The following COMMD10 variants were observed in gnomAD, a reference collection of about 807,000 sequenced individuals.
COMMD10 encodes COMM domain containing 10.
In COMMD10, 33 loss-of-function variants were observed where a neutral mutation model predicts 28.9. The observed-to-expected ratio is 1.14, with a 90% CI of 0.87 to 1.53. The LOEUF (loss-of-function observed/expected upper bound fraction) is 1.53. Among genes scored for constraint, COMMD10 ranks in the 40% most tolerant of loss-of-function variants. The pLI is 0.00. For missense variants in COMMD10, 310 were observed against 233.4 expected (o/e 1.33, Z -2.14); for synonymous variants, 110 against 81.7 (o/e 1.35, Z -1.87).
intron 4 of COMMD10, among the ~76,000 whole-genome samples, chr5:116,127,029 G>A (rs532830397): frequency 2.6e-5 from 4 of 152,284 alleles, no homozygotes; most frequent in South Asian, 4.1e-4. Context: ...CTACCCAACT[G>A]ACAAAGGGCT....
At chr5:116,290,025 T>C (rs565677655) in intron 5 of COMMD10, among the ~76,000 whole-genome samples, 9 of 152,054 alleles carry the variant, frequency 5.9e-5, no homozygotes, top group African/African-American at 1.7e-4. Flanking sequence ...AAGCAAAATA[T>C]AGAAAACAAG....
chr5:116,268,291 G>T (rs1260627657), intron 5 of COMMD10, among the ~76,000 whole-genome samples: 1 of 151,668 alleles, frequency 6.6e-6, no homozygotes, highest in Non-Finnish European at 1.5e-5. Flanking sequence ...GTGGGTGAAG[G>T]ATATGAACAG....
intron 5 of COMMD10, among the ~76,000 whole-genome samples, chr5:116,260,419 T>C (rs1750412136): frequency 6.6e-6 from 1 of 151,892 alleles, no homozygotes. Context: ...TATTTTTATT[T>C]CATGGTAGCA....
chr5:116,164,234 C>T (rs111785238), intron 5 of COMMD10, among the ~76,000 whole-genome samples: 53 of 152,140 alleles, frequency 3.5e-4, no homozygotes, highest in African/African-American at 1.3e-3. Flanking sequence ...GGCAGGAGAA[C>T]TGCTTGAACC....
At chr5:116,219,460 A>G (rs1749189033) in intron 5 of COMMD10, among the ~76,000 whole-genome samples, 1 of 152,118 alleles carries the variant, frequency 6.6e-6, no homozygotes, top group Admixed American at 6.5e-5. Context: ...GCACAATAAT[A>G]AATGTCCTTA....
intron 5 of COMMD10, among the ~76,000 whole-genome samples, chr5:116,267,704 C>T (rs1401467413): frequency 2.6e-5 from 4 of 151,854 alleles, no homozygotes; most frequent in Non-Finnish European, 5.9e-5. Flanking sequence ...GACTATACTA[C>T]AAGGCTACAG....
intron 5 of COMMD10, among the ~76,000 whole-genome samples, chr5:116,263,964 T>A (rs1750516958): frequency 6.6e-6 from 1 of 151,836 alleles, no homozygotes. Context: ...TCAAATGTTT[T>A]ACGGAGTTTG....
At chr5:116,285,617 T>C (rs1435268416) in intron 5 of COMMD10, among the ~76,000 whole-genome samples, 2 of 152,008 alleles carry the variant, frequency 1.3e-5, no homozygotes, top group African/African-American at 4.8e-5. Context: ...TGATTATGTG[T>C]CTTTCCACCT....
At chr5:116,145,738 T>G (rs943522117) in intron 5 of COMMD10, among the ~76,000 whole-genome samples, 1 of 151,868 alleles carries the variant, frequency 6.6e-6, no homozygotes, top group Admixed American at 6.6e-5. Context: ...CATGCTGTTC[T>G]CCTGATAGTG....
intron 5 of COMMD10, among the ~76,000 whole-genome samples, chr5:116,149,547 T>A: frequency 6.9e-6 from 1 of 143,898 alleles, no homozygotes. Flanking sequence ...TGATTGCCAT[T>A]CTAACCGGTG....
intron 4 of COMMD10, among the ~76,000 whole-genome samples, chr5:116,116,697 G>A (rs1049396944): frequency 1.1e-4 from 16 of 147,340 alleles, no homozygotes; most frequent in African/African-American, 3.7e-4. Flanking sequence ...GCAGTAAAAT[G>A]CAGAGATTTT....
intron 4 of COMMD10, among the ~76,000 whole-genome samples, chr5:116,095,928 T>G (rs1750453155): frequency 6.6e-6 from 1 of 152,140 alleles, no homozygotes; most frequent in Non-Finnish European, 1.5e-5. Context: ...TTGATATTTT[T>G]GTGAGTCTTT....
intron 5 of COMMD10, among the ~76,000 whole-genome samples, chr5:116,245,712 T>C (rs922455212): frequency 1.3e-5 from 2 of 152,018 alleles, no homozygotes; most frequent in African/African-American, 4.8e-5. Flanking sequence ...ATGTCATTCA[T>C]CACATAAGCA....
chr5:116,174,439 T>C (rs1753436535), intron 5 of COMMD10, among the ~76,000 whole-genome samples: 1 of 152,160 alleles, frequency 6.6e-6, no homozygotes, highest in Admixed American at 6.5e-5. Flanking sequence ...GAAACATACA[T>C]GTTCTGAATT....
intron 3 of COMMD10, among the ~76,000 whole-genome samples, chr5:116,092,339 T>G (rs1211623948): frequency 6.6e-6 from 1 of 152,220 alleles, no homozygotes; most frequent in Non-Finnish European, 1.5e-5. Flanking sequence ...AAAATTCATC[T>G]TGAATAATTT....
intron 5 of COMMD10, among the ~76,000 whole-genome samples, chr5:116,258,241 T>A (rs1750344392): frequency 6.6e-6 from 1 of 151,790 alleles, no homozygotes; most frequent in Non-Finnish European, 1.5e-5. Context: ...AACAATGTCT[T>A]AGAATTTTGT....
chr5:116,210,340 A>G (rs1161608999), intron 5 of COMMD10, among the ~76,000 whole-genome samples: 1 of 151,610 alleles, frequency 6.6e-6, no homozygotes, highest in East Asian at 1.9e-4. Context: ...ATATACATAT[A>G]TATACACGCA....
intron 5 of COMMD10, among the ~76,000 whole-genome samples, chr5:116,202,687 T>C (rs1178489423): frequency 1.3e-5 from 2 of 151,832 alleles, no homozygotes; most frequent in Non-Finnish European, 2.9e-5. Context: ...GTGTCTTCTT[T>C]TGAGAAGTGT....
At chr5:116,239,939 TC>T (rs745660796) in intron 5 of COMMD10, among the ~76,000 whole-genome samples, 7 of 151,864 alleles carry the variant, frequency 4.6e-5, no homozygotes, top group Admixed American at 1.3e-4. Flanking sequence ...TATTTTTCAC[TC>T]CCCCCCAAGG....
Sources: gnomAD v4.1 joint callset for allele counts (sites outside exome capture counted in the v4.1 genomes callset) on GRCh38, gnomAD v4.1.1 for gene constraint, MANE v1.5 for transcripts, NCBI Gene and HGNC (gene_info 2026-07-23, HGNC 2026-07-21) for gene names.